The following SHANK2 variants were observed in gnomAD, a reference collection of about 807,000 sequenced individuals.
SHANK2 encodes SH3 and multiple ankyrin repeat domains 2.
In SHANK2, 43 loss-of-function variants were observed where a neutral mutation model predicts 133.7. That is an observed-to-expected ratio of 0.32 (90% confidence interval 0.25 to 0.41). The LOEUF (loss-of-function observed/expected upper bound fraction) is 0.41. Among genes scored for constraint, SHANK2 ranks in the 10% least tolerant of loss-of-function variants. The pLI is 1.00. For missense variants in SHANK2, 1,994 were observed against 2,235.8 expected, an observed-to-expected ratio of 0.89 and a Z score of 2.18; for synonymous variants, 1,017 against 952.8, an observed-to-expected ratio of 1.07 and a Z score of -1.24.
intron 2 of SHANK2, among the ~76,000 whole-genome samples, chr11:71,168,460 A>C (rs1218748734): frequency 4.0e-5 from 6 of 151,866 alleles, no homozygotes; most frequent in Admixed American, 2.0e-4. Flanking sequence ...GCACCTTGGG[A>C]GGCCAAGGCA....
intron 11 of SHANK2, among the ~76,000 whole-genome samples, chr11:70,877,360 ATAGTAACCGGCCACTGGGTC>A (rs1949583534): frequency 6.6e-6 from 1 of 152,162 alleles, no homozygotes; most frequent in Non-Finnish European, 1.5e-5. Flanking sequence ...CCGGATTTCT[ATAGTAACCGGCCACTGGGTC>A]TGCCGGCATA....
intron 9 of SHANK2, among the ~76,000 whole-genome samples, chr11:71,064,661 T>G (rs1487174066): frequency 6.0e-5 from 8 of 133,242 alleles, no homozygotes; most frequent in South Asian, 2.6e-4. Context: ...AGAAGGGTGG[T>G]GGGGACAAGA....
At chr11:70,778,192 G>T (rs1184630057) in intron 14 of SHANK2, among the ~76,000 whole-genome samples, 4 of 152,238 alleles carry the variant, frequency 2.6e-5, no homozygotes, top group Non-Finnish European at 5.9e-5. Flanking sequence ...CAATGGAAAA[G>T]AATCCAGGTC....
chr11:70,624,464 C>G (rs917319365), intron 17 of SHANK2, among the ~76,000 whole-genome samples: 3 of 151,986 alleles, frequency 2.0e-5, no homozygotes, highest in Non-Finnish European at 4.4e-5. Context: ...CCAGGATTCA[C>G]CCCCAGACAT....
Position 70,569,973 on chromosome 11 carries a change from ACAGGCCCCCAGCACCATTGTGGACTC to A in SHANK2, c.2062-67068_2062-67043del, listed in dbSNP as rs1393308833. On this transcript the variant is annotated intron_variant, in intron 17 of 25. Transcript: ENST00000601538. The surrounding 1 kb of genome is among the most constrained non-coding windows in gnomAD (Gnocchi z 5.1). ...AGAGAGAAGGGAGTGAGAGACAGAG[ACAGGCCCCCAGCACCATTGTGGACTC>A]CTGCCTCCAGCTGTTGAGTCTCCCC... is the stretch of plus-strand genomic sequence containing the variant. Among the ~76,000 whole-genome samples, 2 of 151,964 alleles carry A rather than the reference ACAGGCCCCCAGCACCATTGTGGACTC, an allele frequency of 1.3e-5. No individual in the cohort carries two copies. The highest frequency in any genetic ancestry group is 2.9e-5 in the Non-Finnish European group (2 of 68,012).
Position 70,830,131 on chromosome 11 carries a change from G to A in SHANK2, c.1175-9449C>T, listed in dbSNP as rs1429993261. Among the ~76,000 whole-genome samples the A allele has an allele frequency of 4.6e-5, 7 of 152,148 alleles. No homozygotes were observed. The highest frequency in any genetic ancestry group is 1.3e-4 in the Admixed American group (2 of 15,284). On this transcript the variant is annotated intron_variant, in intron 11 of 25. Transcript: ENST00000601538. This position sits in a 1 kb window ranked among gnomAD's most constrained non-coding sequence, Gnocchi z 4.4. ...AGGCACAGACTCTGCCCCGACAAAC[G>A]CAAACCTTTGTGCAGCCTCCAGGGC...
chr11:70,890,794 T>G (rs1949829645), intron 11 of SHANK2, among the ~76,000 whole-genome samples: 1 of 59,846 alleles, frequency 1.7e-5, no homozygotes, highest in African/African-American at 5.8e-5. Context: ...AGTGAAACTG[T>G]CTCAAAAAAA....
chr11:71,090,793 G>GT (rs1951503613), intron 8 of SHANK2, among the ~76,000 whole-genome samples: 1 of 152,216 alleles, frequency 6.6e-6, no homozygotes, highest in Admixed American at 6.5e-5. Context: ...CACGGAGGCT[G>GT]TAAGTCTGAA....
intron 14 of SHANK2, among the ~76,000 whole-genome samples, chr11:70,772,675 G>T (rs1270029566): frequency 6.6e-6 from 1 of 152,124 alleles, no homozygotes; most frequent in Admixed American, 6.5e-5. Flanking sequence ...CAGAGGCTGG[G>T]CACTGGAGGC....
intron 13 of SHANK2, among the ~76,000 whole-genome samples, chr11:70,799,319 T>C (rs1043298156): frequency 3.9e-5 from 6 of 152,010 alleles, no homozygotes; most frequent in African/African-American, 7.2e-5. Context: ...GGAGAATCAC[T>C]TGAACCCGGA....
At chr11:70,946,974 T>C (rs1379009598) in intron 10 of SHANK2, among the ~76,000 whole-genome samples, 1 of 147,544 alleles carries the variant, frequency 6.8e-6, no homozygotes, top group Admixed American at 6.7e-5. Flanking sequence ...CCCTCTCCAC[T>C]AACCAACCCT....
chr11:71,138,257 C>T (rs1952486910), intron 3 of SHANK2, among the ~76,000 whole-genome samples: 1 of 152,210 alleles, frequency 6.6e-6, no homozygotes, highest in Non-Finnish European at 1.5e-5. Flanking sequence ...TCACAATGGC[C>T]GGGCGCCTCA....
chr11:70,807,555 G>A lies in SHANK2; in HGVS notation c.1494-384C>T, dbSNP rs1404507203. On this transcript the variant is annotated intron_variant, in intron 12 of 25. Coordinates refer to ENST00000601538, the MANE Select transcript of SHANK2 (RefSeq NM_012309.5). The surrounding 1 kb of genome is among the most constrained non-coding windows in gnomAD (Gnocchi z 4.8). ...TCAGGAATTAAACTCTGGGCCAGGC[G>A]TGGTGGGATCACATCTGTAATCCCA... is the stretch of plus-strand genomic sequence containing the variant. Among the ~76,000 whole-genome samples, 2 of 152,164 alleles carry A rather than the reference G, an allele frequency of 1.3e-5. No homozygotes were observed. The highest frequency in any genetic ancestry group is 2.1e-4 in the South Asian group (1 of 4,814).
chr11:70,775,268 C>T (rs919268913), intron 14 of SHANK2, among the ~76,000 whole-genome samples: 5 of 152,100 alleles, frequency 3.3e-5, no homozygotes, highest in African/African-American at 1.2e-4. Flanking sequence ...CCAGCCTTGG[C>T]AACATGGTGA....
chr11:70,789,496 G>A (rs868968263), intron 14 of SHANK2, among the ~76,000 whole-genome samples: 2 of 152,044 alleles, frequency 1.3e-5, no homozygotes, highest in Non-Finnish European at 2.9e-5. Flanking sequence ...CTACCCAGTC[G>A]AGACCCCTGC....
At chr11:70,844,826 G>A (rs891734175) in intron 11 of SHANK2, among the ~76,000 whole-genome samples, 7 of 152,114 alleles carry the variant, frequency 4.6e-5, no homozygotes, top group African/African-American at 1.7e-4. Context: ...CATGGCCCTG[G>A]GCACGTGTCT....
chr11:70,830,336 G>C lies in SHANK2; in HGVS notation c.1175-9654C>G, dbSNP rs532345964. Among the ~76,000 whole-genome samples, 29 of 152,276 alleles carry C rather than the reference G, an allele frequency of 1.9e-4. No individual in the cohort carries two copies. Among genetic ancestry groups the C allele is most frequent in the Admixed American group, 8.5e-4 (13 of 15,296 alleles). ...GAAGTTCTGTGTGGACAAATGTTCC[G>C]TGTGAGTGTTTGGGGTCCGGGCCCT... On this transcript the variant is annotated intron_variant, in intron 11 of 25. Coordinates refer to ENST00000601538, the MANE Select transcript of SHANK2 (RefSeq NM_012309.5). The surrounding 1 kb of genome is among the most constrained non-coding windows in gnomAD (Gnocchi z 4.4).
chr11:71,155,449 A>T (rs1383020628), intron 2 of SHANK2, among the ~76,000 whole-genome samples: 19 of 149,414 alleles, frequency 1.3e-4, no homozygotes, highest in Admixed American at 5.3e-4. Flanking sequence ...CTCCCAGAGG[A>T]GGGGTGGACC....
At chr11:70,679,539 C>T (rs1944981494) in intron 15 of SHANK2, among the ~76,000 whole-genome samples, 1 of 152,236 alleles carries the variant, frequency 6.6e-6, no homozygotes, top group Non-Finnish European at 1.5e-5. Flanking sequence ...GCTGTCTCCC[C>T]ATGACCAGTA....
Sources: gnomAD v4.1 joint callset for allele counts (sites outside exome capture counted in the v4.1 genomes callset) on GRCh38, gnomAD v4.1.1 for gene constraint, Gnocchi (gnomAD v3.1) non-coding constraint, MANE v1.5 for transcripts, NCBI Gene and HGNC (gene_info 2026-07-23, HGNC 2026-07-21) for gene names.